Variants in CNGB1 observed in about 807,000 individuals in gnomAD.
CNGB1 encodes cyclic nucleotide gated channel subunit beta 1, also known as cyclic nucleotide-gated channel beta-1.
Under a neutral mutation model 151.7 loss-of-function variants are expected in CNGB1, and 126 were observed. The ratio of observed to expected loss-of-function variants is 0.83; its 90% CI spans 0.72 to 0.96. The LOEUF (loss-of-function observed/expected upper bound fraction) is 0.96. Among genes scored for constraint, CNGB1 ranks in the 40% least tolerant of loss-of-function variants. CNGB1 has a pLI of 0.00. For synonymous variants in CNGB1, 623 were observed against 635.1 expected, an observed-to-expected ratio of 0.98 and a Z score of 0.29; for missense variants, 1,698 against 1,627.0, an observed-to-expected ratio of 1.04 and a Z score of -0.75.
At chr16:57,890,716 G>A (rs576673778) in intron 31 of CNGB1, among the ~76,000 whole-genome samples, 1 of 152,364 alleles carries the variant, frequency 6.6e-6, no homozygotes, top group South Asian at 2.1e-4. Context: ...TCCCCCATCT[G>A]CAAAGCAGGG....
chr16:57,935,738 T>C (rs1476224884), intron 16 of CNGB1, among the ~76,000 whole-genome samples: 2 of 148,980 alleles, frequency 1.3e-5, no homozygotes, highest in African/African-American at 5.2e-5. Flanking sequence ...TGGGGTCTTT[T>C]TGCTTTGTTT....
chr16:57,897,432 A>G lies in CNGB1; in HGVS notation c.3207T>C (p.Tyr1069=). The G allele has an allele frequency of 6.2e-7, 1 of 1,614,194 alleles. No individual in the cohort carries two copies. Among genetic ancestry groups the G allele is most frequent in the Non-Finnish European group, 8.5e-7 (1 of 1,180,026 alleles). Reference sequence around the variant, plus strand: ...TCCGGAGTAACTTCTGAGACTCAGGATAATGCACCAAAATCTCATTCAGGT... The same window carrying G: ...TCCGGAGTAACTTCTGAGACTCAGGGTAATGCACCAAAATCTCATTCAGGT... ...KKDLNEILVH[Y]PESQKLLRKK... Residue 1069 remains tyrosine (Y), a synonymous_variant, in exon 31 of 33, where the codon TAT becomes TAC. Coordinates refer to ENST00000251102, the MANE Select transcript of CNGB1 (RefSeq NM_001297.5).
At chr16:57,896,192 T>C (rs1377651368) in intron 31 of CNGB1, among the ~76,000 whole-genome samples, 1 of 152,216 alleles carries the variant, frequency 6.6e-6, no homozygotes, top group South Asian at 2.1e-4. Context: ...ACCCACTAAT[T>C]ACTTAGGAAT....
intron 25 of CNGB1, among the ~76,000 whole-genome samples, chr16:57,905,519 G>T (rs1362687062): frequency 6.6e-6 from 1 of 152,214 alleles, no homozygotes; most frequent in Non-Finnish European, 1.5e-5. Flanking sequence ...GTATGGGGGA[G>T]GGTGTCCTAC....
At chr16:57,932,257 C>T (rs2149372350) in intron 16 of CNGB1, among the ~76,000 whole-genome samples, 1 of 152,286 alleles carries the variant, frequency 6.6e-6, no homozygotes, top group African/African-American at 2.4e-5. Context: ...GAGCCAGAGT[C>T]CTGGCGCCTG....
At chr16:57,949,789 C>T (rs758752507) in intron 13 of CNGB1, among the ~76,000 whole-genome samples, 17 of 152,328 alleles carry the variant, frequency 1.1e-4, no homozygotes, top group South Asian at 4.1e-4. Context: ...ACAAAGATTG[C>T]GACATCCCTG....
At chr16:57,930,583 A>G (rs868415685) in intron 17 of CNGB1, among the ~76,000 whole-genome samples, 1 of 147,940 alleles carries the variant, frequency 6.8e-6, no homozygotes, top group African/African-American at 2.5e-5. Flanking sequence ...GGGGAGGGGG[A>G]AGAAAGGAAG....
intron 22 of CNGB1, 80 bp from the exon 23 acceptor site, chr16:57,915,415 C>A: frequency 9.0e-7 from 1 of 1,113,404 alleles, no homozygotes; most frequent in Non-Finnish European, 1.4e-6. Flanking sequence ...GGCGGAGTCT[C>A]TCCCTTCCAT....
In CNGB1 at chr16:57,903,575, G is replaced by A. The variant is rs144915031; in HGVS notation, c.2794+247C>T. ...ATGCATTTCAAGGTGGGTAAAGTGA[G>A]GGGGGCAGGCACACAGAAGACAAGC... is the stretch of plus-strand genomic sequence containing the variant. On this transcript the variant is annotated intron_variant, in intron 27 of 32. Coordinates refer to ENST00000251102, the MANE Select transcript of CNGB1 (RefSeq NM_001297.5). 3.2e-3 allele frequency among the ~76,000 whole-genome samples: 486 copies of A among 152,294 alleles called. 5 individuals are homozygous for A. The highest frequency in any genetic ancestry group is 0.011 in the African/African-American group (460 of 41,560).
Position 57,931,784 on chromosome 16 carries a change from C to A in CNGB1, c.1467G>T (p.Val489=), listed in dbSNP as rs1285149662. Residue 489 remains valine, a synonymous_variant, in exon 17 of 33, where the codon GTG becomes GTT. Transcript: ENST00000251102. ...LMAEENPPST[V]LPPPSPAKSD... is the part of the protein sequence containing the mutation. ...ATTTGGCAGGAGACGGTGGCGGCAA[C>A]ACGGTTGAGGGTGGATTCTCTTCTG... The A allele has an allele frequency of 1.2e-6, 2 of 1,614,160 alleles. No homozygotes were observed. Among genetic ancestry groups the A allele is most frequent in the Admixed American group, 3.3e-5 (2 of 60,012 alleles).
intron 17 of CNGB1, among the ~76,000 whole-genome samples, chr16:57,930,387 C>T (rs943601382): frequency 6.6e-6 from 1 of 151,702 alleles, no homozygotes; most frequent in Non-Finnish European, 1.5e-5. Flanking sequence ...CACAGCTACT[C>T]GAGAAGCTGA....
At chr16:57,908,309 A>T (rs1328928624) in intron 25 of CNGB1, among the ~76,000 whole-genome samples, 1 of 152,214 alleles carries the variant, frequency 6.6e-6, no homozygotes, top group Non-Finnish European at 1.5e-5. Context: ...CGTTCTGAAC[A>T]ATTAACCACT....
At chr16:57,959,834 A>G (rs1400397590) in intron 10 of CNGB1, 54 bp downstream of exon 10, 4 of 1,439,756 alleles carry the variant, frequency 2.8e-6, no homozygotes, top group Non-Finnish European at 3.7e-6. Flanking sequence ...TTAGGCGGGG[A>G]CAAGGTGCTC....
chr16:57,929,195 A>G (rs1462784902), intron 17 of CNGB1, among the ~76,000 whole-genome samples: 2 of 152,252 alleles, frequency 1.3e-5, no homozygotes, highest in African/African-American at 4.8e-5. Context: ...ACTCGAATAG[A>G]CATTTCTCCA....
chr16:57,904,913 G>A (rs1960503754), intron 25 of CNGB1, 38 bp from the exon 26 acceptor site: 3 of 1,613,738 alleles, frequency 1.9e-6, no homozygotes, highest in Non-Finnish European at 1.7e-6. Flanking sequence ...GGTCATCACA[G>A]GCCCCACTCT....
chr16:57,947,420 A>G (rs1196643822), intron 14 of CNGB1, among the ~76,000 whole-genome samples: 2 of 152,226 alleles, frequency 1.3e-5, no homozygotes, highest in Admixed American at 1.3e-4. Context: ...CTCTAATGAA[A>G]CCAGGCAGCA....
chr16:57,940,383 C>T, intron 14 of CNGB1, 62 bp from the exon 15 acceptor site: 1 of 1,509,978 alleles, frequency 6.6e-7, no homozygotes, highest in East Asian at 2.5e-5. Context: ...AAGGTTTCCC[C>T]AGCCCTGCTG....
chr16:57,945,003 A>G (rs1961769950), intron 14 of CNGB1, among the ~76,000 whole-genome samples: 1 of 151,938 alleles, frequency 6.6e-6, no homozygotes, highest in African/African-American at 2.4e-5. Context: ...TAACTTTTTA[A>G]AAGAGCCTAG....
chr16:57,965,908 A>G (rs1470155818), intron 2 of CNGB1, among the ~76,000 whole-genome samples: 1 of 152,226 alleles, frequency 6.6e-6, no homozygotes, highest in African/African-American at 2.4e-5. Flanking sequence ...GCACACACAG[A>G]CATACCAAGG....
Sources: gnomAD v4.1 joint callset for allele counts (sites outside exome capture counted in the v4.1 genomes callset) on GRCh38, gnomAD v4.1.1 for gene constraint, MANE v1.5 for transcripts, NCBI Gene and HGNC (gene_info 2026-07-23, HGNC 2026-07-21) for gene names.